Variants in CADPS observed in about 807,000 individuals in gnomAD.
CADPS encodes calcium-dependent secretion activator 1.
In CADPS, 57 loss-of-function variants were observed where a neutral mutation model predicts 167.3. That is an observed-to-expected ratio of 0.34 (90% CI 0.28 to 0.42). The LOEUF is 0.42. Among genes scored for constraint, CADPS ranks in the 20% least tolerant of loss-of-function variants. The probability of loss-of-function intolerance (pLI) is 1.00; values close to 1 mark genes in which losing one functional copy is unlikely to be tolerated. For missense variants in CADPS, 1,414 were observed against 1,738.1 expected (o/e 0.81, Z 3.32); for synonymous variants, 676 against 635.3 (o/e 1.06, Z -0.96).
At chr3:62,574,984 T>C (rs988449061) in intron 8 of CADPS, among the ~76,000 whole-genome samples, 1 of 152,204 alleles carries the variant, frequency 6.6e-6, no homozygotes, top group Non-Finnish European at 1.5e-5. Flanking sequence ...ACTTCAAAGA[T>C]CAAATTCAGG....
At position 62,421,268 on chromosome 3, in the gene CADPS, A is replaced by G. The variant is rs763037473; in HGVS notation, c.3777+16836T>C. On this transcript the variant is annotated intron_variant, in intron 28 of 29. Coordinates refer to ENST00000383710, the MANE Select transcript of CADPS (RefSeq NM_003716.4). The surrounding 1 kb of genome is among the most constrained non-coding windows in gnomAD (Gnocchi z 4.7). ...ACACCCCCCACCCTTTTGAGGTGAC[A>G]GAATAAGAAATTAAACACTTGTGGG... Among the ~76,000 whole-genome samples the G allele has an allele frequency of 1.4e-5, 2 of 141,298 alleles. No homozygotes were observed. The highest frequency in any genetic ancestry group is 3.1e-5 in the Non-Finnish European group (2 of 65,176). The allele number at this position is 141,298 out of a possible 152,430, so 92.7% of individuals were successfully genotyped here. A position where few individuals can be genotyped will look rare whatever the true frequency, so the allele number is the denominator to read the frequency against.
intron 28 of CADPS, among the ~76,000 whole-genome samples, chr3:62,410,603 G>T (rs2048779821): frequency 6.6e-6 from 1 of 152,212 alleles, no homozygotes; most frequent in Non-Finnish European, 1.5e-5. Flanking sequence ...ACACCGCTGT[G>T]CCTCAGTTTT....
rs1350309086 is a variant in CADPS at position 62,412,802 on chromosome 3, A to C, written c.3778-9617T>G. 6.6e-6 allele frequency among the ~76,000 whole-genome samples: 1 copy of C among 152,182 alleles called. No individual in the cohort carries two copies. The highest frequency in any genetic ancestry group is 2.4e-5 in the African/African-American group (1 of 41,432). ...CAAATCAAGCAGGGGAGTTTAATCC[A>C]AAGCTTAGCTTATATGAACTATCTA... On this transcript the variant is annotated intron_variant, in intron 28 of 29. Transcript: ENST00000383710. This position sits in a 1 kb window ranked among gnomAD's most constrained non-coding sequence, Gnocchi z 4.1.
chr3:62,850,581 GC>G (rs1184787741), intron 1 of CADPS, among the ~76,000 whole-genome samples: 1 of 140,028 alleles, frequency 7.1e-6, no homozygotes, highest in East Asian at 2.0e-4. Context: ...TAGTTGAGCG[GC>G]TTTGAGTGAG....
intron 11 of CADPS, among the ~76,000 whole-genome samples, 164 bp from the exon 12 acceptor site, chr3:62,536,745 A>C (rs1217855824): frequency 6.6e-6 from 1 of 152,172 alleles, no homozygotes; most frequent in Non-Finnish European, 1.5e-5. Flanking sequence ...TCCCATTGTC[A>C]ACTTGCATCA....
rs745735467 is a variant in CADPS, at chr3:62,753,090, G to T, written c.888+351C>A. Among the ~76,000 whole-genome samples, 2 of 152,146 alleles carry T rather than the reference G, an allele frequency of 1.3e-5. No homozygotes were observed. The highest frequency in any genetic ancestry group is 2.9e-5 in the Non-Finnish European group (2 of 68,028). ...TGAGGAAGCACAAGCCCTTCAACTG[G>T]CAAACACCAAAGGCAGAACCATATT... On this transcript the variant is annotated intron_variant, in intron 3 of 29. Transcript: ENST00000383710. This position sits in a 1 kb window ranked among gnomAD's most constrained non-coding sequence, Gnocchi z 4.6.
At chr3:62,786,697 A>C (rs1201007486) in intron 1 of CADPS, among the ~76,000 whole-genome samples, 1 of 152,132 alleles carries the variant, frequency 6.6e-6, no homozygotes, top group Non-Finnish European at 1.5e-5. Flanking sequence ...ACATCTTCCT[A>C]AAGTATTGTA....
chr3:62,751,026 G>A (rs897438026), intron 3 of CADPS, among the ~76,000 whole-genome samples: 3 of 152,138 alleles, frequency 2.0e-5, no homozygotes, highest in Non-Finnish European at 4.4e-5. Flanking sequence ...TAAAGGTAGA[G>A]CTCCTAGGTC....
chr3:62,404,838 C>A (rs1382508687), intron 28 of CADPS: 2 of 126,986 alleles, frequency 1.6e-5, no homozygotes, highest in Non-Finnish European at 3.1e-5. Flanking sequence ...AGGGTGTTTG[C>A]TGGGGTCAAG....
At chr3:62,755,488 AAAT>A (rs1327981896) in intron 2 of CADPS, among the ~76,000 whole-genome samples, 1 of 152,214 alleles carries the variant, frequency 6.6e-6, no homozygotes, top group Non-Finnish European at 1.5e-5. Context: ...GAGGCAGAGC[AAAT>A]GTTCATTCCC....
At chr3:62,585,022 A>T (rs1192080299) in intron 8 of CADPS, among the ~76,000 whole-genome samples, 163 bp downstream of exon 8, 1 of 152,246 alleles carries the variant, frequency 6.6e-6, no homozygotes, top group Non-Finnish European at 1.5e-5. Context: ...CATCCTAAGA[A>T]TTGAGGAAGT....
intron 9 of CADPS, among the ~76,000 whole-genome samples, chr3:62,567,733 C>A (rs183773341): frequency 6.6e-6 from 1 of 151,840 alleles, no homozygotes; most frequent in African/African-American, 2.4e-5. Flanking sequence ...AGCCAGCATG[C>A]CTGGCTAGTT....
chr3:62,775,519 A>T (rs1430343754), intron 1 of CADPS, among the ~76,000 whole-genome samples: 1 of 152,202 alleles, frequency 6.6e-6, no homozygotes, highest in East Asian at 1.9e-4. Context: ...GTATTAAGAA[A>T]CTGTCCAGAT....
At chr3:62,415,385 C>A (rs1429877985) in intron 28 of CADPS, among the ~76,000 whole-genome samples, 1 of 151,990 alleles carries the variant, frequency 6.6e-6, no homozygotes, top group African/African-American at 2.4e-5. Context: ...TTGCCATGAA[C>A]CCTGAGTTCA....
intron 3 of CADPS, among the ~76,000 whole-genome samples, chr3:62,683,086 A>G (rs1222480547): frequency 6.6e-6 from 1 of 152,060 alleles, no homozygotes; most frequent in Non-Finnish European, 1.5e-5. Flanking sequence ...GGAGGAGAGT[A>G]AAATGGGGAT....
At chr3:62,702,061 C>T (rs1412284358) in intron 3 of CADPS, among the ~76,000 whole-genome samples, 2 of 152,044 alleles carry the variant, frequency 1.3e-5, no homozygotes, top group East Asian at 3.9e-4. Context: ...TTCTTTTATC[C>T]TGCAACATGA....
chr3:62,561,078 C>CA (rs34584073), intron 9 of CADPS, among the ~76,000 whole-genome samples: 73,004 of 83,536 alleles, frequency 0.87, 32,156 homozygotes, highest in East Asian at 0.96. Flanking sequence ...AACTCCATCT[C>CA]AAAAAAAAAA....
intron 26 of CADPS, among the ~76,000 whole-genome samples, chr3:62,457,817 C>T (rs548201779): frequency 6.6e-6 from 1 of 152,262 alleles, no homozygotes; most frequent in African/African-American, 2.4e-5. Flanking sequence ...CCATAATTCT[C>T]AGCAAACTAA....
intron 13 of CADPS, among the ~76,000 whole-genome samples, chr3:62,527,222 T>G (rs1252561390): frequency 6.6e-6 from 1 of 152,130 alleles, no homozygotes; most frequent in South Asian, 2.1e-4. Context: ...AACAAATCCA[T>G]GTAAAGGAAA....
Sources: gnomAD v4.1 joint callset for allele counts (sites outside exome capture counted in the v4.1 genomes callset) on GRCh38, gnomAD v4.1.1 for gene constraint, Gnocchi (gnomAD v3.1) non-coding constraint, MANE v1.5 for transcripts, NCBI Gene and HGNC (gene_info 2026-07-23, HGNC 2026-07-21) for gene names.